Variants in SKAP1 observed in about 807,000 individuals in gnomAD.
The protein encoded by SKAP1 is src kinase associated phosphoprotein 1.
In SKAP1, 44 loss-of-function variants were observed where a neutral mutation model predicts 58.5. That is an observed-to-expected ratio of 0.75 (90% CI 0.59 to 0.97). The LOEUF is 0.97. Ranked by LOEUF, SKAP1 falls within the 50% of genes least tolerant of loss-of-function variation. The pLI is 0.00. For synonymous variants in SKAP1, 127 were observed against 149.7 expected (o/e 0.85, Z 1.11); for missense variants, 390 against 435.2 (o/e 0.90, Z 0.92).
chr17:48,333,846 A>C (rs540709708), intron 4 of SKAP1, among the ~76,000 whole-genome samples: 13 of 152,134 alleles, frequency 8.5e-5, no homozygotes, highest in African/African-American at 3.1e-4. Context: ...AATTTAAGTA[A>C]ATTTGCTATT....
At chr17:48,233,876 T>C (rs2065152224) in intron 4 of SKAP1, among the ~76,000 whole-genome samples, 1 of 152,134 alleles carries the variant, frequency 6.6e-6, no homozygotes, top group Non-Finnish European at 1.5e-5. Flanking sequence ...AAATGTTTAC[T>C]TAGAGTGGCA....
chr17:48,383,718 T>C (rs1482830632), intron 2 of SKAP1, among the ~76,000 whole-genome samples: 15 of 70,832 alleles, frequency 2.1e-4, no homozygotes, highest in East Asian at 8.8e-4. Context: ...TCTGCCCTTT[T>C]TTTTTTTTTT....
At chr17:48,312,540 T>C (rs1179631420) in intron 4 of SKAP1, among the ~76,000 whole-genome samples, 1 of 152,134 alleles carries the variant, frequency 6.6e-6, no homozygotes, top group Non-Finnish European at 1.5e-5. Flanking sequence ...AATACCAGGG[T>C]AAAGAAAAGA....
At chr17:48,368,157 G>A (rs755822907) in intron 2 of SKAP1, among the ~76,000 whole-genome samples, 2 of 152,118 alleles carry the variant, frequency 1.3e-5, no homozygotes, top group Non-Finnish European at 2.9e-5. Context: ...AAGCCCAAAA[G>A]GTGAGCAATC....
chr17:48,366,372 G>A (rs2067001932), intron 2 of SKAP1, among the ~76,000 whole-genome samples: 2 of 151,882 alleles, frequency 1.3e-5, no homozygotes, highest in South Asian at 4.2e-4. Context: ...ATCAGGTGAA[G>A]AGAAATGTAA....
chr17:48,172,554 C>T (rs751591791), intron 9 of SKAP1, among the ~76,000 whole-genome samples: 4 of 152,198 alleles, frequency 2.6e-5, no homozygotes, highest in African/African-American at 4.8e-5. Context: ...CTCTCTCACT[C>T]ACACATATAT....
At chr17:48,142,796 C>A (rs974931517) in intron 11 of SKAP1, among the ~76,000 whole-genome samples, 2 of 151,988 alleles carry the variant, frequency 1.3e-5, no homozygotes, top group East Asian at 1.9e-4. Flanking sequence ...CTTCCTACAC[C>A]ACACCTTCTT....
intron 4 of SKAP1, among the ~76,000 whole-genome samples, chr17:48,261,652 G>T (rs1201825921): frequency 6.6e-6 from 1 of 151,990 alleles, no homozygotes; most frequent in Non-Finnish European, 1.5e-5. Context: ...CCAAAGCAAG[G>T]GCCATACTGA....
intron 4 of SKAP1, among the ~76,000 whole-genome samples, chr17:48,191,381 G>A (rs746821508): frequency 2.6e-5 from 4 of 152,156 alleles, no homozygotes; most frequent in Non-Finnish European, 5.9e-5. Context: ...CTTTTGGATT[G>A]TCTTAAATAA....
intron 4 of SKAP1, among the ~76,000 whole-genome samples, chr17:48,327,926 C>T (rs1009013455): frequency 3.3e-5 from 5 of 152,148 alleles, no homozygotes; most frequent in Non-Finnish European, 5.9e-5. Context: ...ACCACTGTGC[C>T]CCGCCGTGCC....
intron 4 of SKAP1, among the ~76,000 whole-genome samples, chr17:48,272,828 A>G (rs1253459171): frequency 2.6e-5 from 4 of 152,230 alleles, no homozygotes; most frequent in Non-Finnish European, 5.9e-5. Context: ...AAGTACTGGG[A>G]TTACAGGTGT....
chr17:48,324,863 T>C (rs1410697060), intron 4 of SKAP1, among the ~76,000 whole-genome samples: 1 of 152,036 alleles, frequency 6.6e-6, no homozygotes, highest in Non-Finnish European at 1.5e-5. Context: ...GTGTGGTCAC[T>C]CCCTATACTT....
rs368849575 is a variant in SKAP1, at chr17:48,234,978, A to G, written c.281-45478T>C. Among the ~76,000 whole-genome samples the G allele has an allele frequency of 3.1e-4, 47 of 152,330 alleles. 1 individual carries two copies. The East Asian group carries it at 6.6e-3, about 21-fold the overall frequency. On this transcript the variant is annotated intron_variant, in intron 4 of 12. Coordinates refer to ENST00000336915, the MANE Select transcript of SKAP1 (RefSeq NM_003726.4). The stretch of plus-strand genomic sequence containing the variant: ...CAATGTATTTTAAAATGCTTTGTGA[A>G]GATAAAGCAAGGCAAGATTTGTAAA...
At chr17:48,149,552 G>A (rs1308269651) in intron 11 of SKAP1, among the ~76,000 whole-genome samples, 1 of 152,212 alleles carries the variant, frequency 6.6e-6, no homozygotes, top group Non-Finnish European at 1.5e-5. Context: ...GCACACATAG[G>A]CGTTTCCATG....
At chr17:48,289,667 A>G (rs1598516945) in intron 4 of SKAP1, among the ~76,000 whole-genome samples, 1 of 152,122 alleles carries the variant, frequency 6.6e-6, no homozygotes, top group Non-Finnish European at 1.5e-5. Context: ...AAAATACAGA[A>G]AAGTACAAGG....
chr17:48,248,332 C>T (rs1055386216), intron 4 of SKAP1, among the ~76,000 whole-genome samples: 6 of 152,036 alleles, frequency 3.9e-5, no homozygotes, highest in Admixed American at 6.6e-5. Flanking sequence ...TTTGGGAAGC[C>T]GAGGCGGTTG....
At chr17:48,410,830 G>A (rs529924255) in intron 1 of SKAP1, among the ~76,000 whole-genome samples, 1 of 149,612 alleles carries the variant, frequency 6.7e-6, no homozygotes, top group South Asian at 2.1e-4. Flanking sequence ...GGGAGGCTGA[G>A]GCACAAGAAT....
At chr17:48,191,701 T>A (rs1278102748) in intron 4 of SKAP1, among the ~76,000 whole-genome samples, 1 of 152,214 alleles carries the variant, frequency 6.6e-6, no homozygotes, top group African/African-American at 2.4e-5. Flanking sequence ...CTTTTTCTGT[T>A]TTTAAGTGTG....
At chr17:48,442,118 A>C in the SKAP1 span, among the ~76,000 whole-genome samples, 26 of 152,128 alleles carry the variant, frequency 1.7e-4, no homozygotes, top group Admixed American at 3.9e-4. Flanking sequence ...GGAGGAGGCA[A>C]CCATTTATGT....
Sources: allele counts gnomAD v4.1 joint callset (sites outside exome capture counted in the v4.1 genomes callset), GRCh38; gene constraint gnomAD v4.1.1; transcripts MANE v1.5; gene names NCBI Gene and HGNC (gene_info 2026-07-23, HGNC 2026-07-21).